TENM3: variants seen among roughly 807,000 people sequenced by gnomAD.
The protein encoded by TENM3 is teneurin transmembrane protein 3, also known as teneurin-3.
In TENM3, 63 loss-of-function variants were observed where a neutral mutation model predicts 255.1. That is an observed-to-expected ratio of 0.25 (90% CI 0.20 to 0.30). The LOEUF (loss-of-function observed/expected upper bound fraction) is 0.30. Among genes scored for constraint, TENM3 ranks in the 10% least tolerant of loss-of-function variants. The probability of loss-of-function intolerance (pLI) is 1.00; values close to 1 mark genes in which losing one functional copy is unlikely to be tolerated. For missense variants in TENM3, 2,929 were observed against 3,461.1 expected, an observed-to-expected ratio of 0.85 and a Z score of 3.86; for synonymous variants, 1,306 against 1,322.3, an observed-to-expected ratio of 0.99 and a Z score of 0.27.
chr4:182,270,756 G>A (rs1259845696), intron 1 of TENM3, among the ~76,000 whole-genome samples: 1 of 152,190 alleles, frequency 6.6e-6, no homozygotes, highest in Non-Finnish European at 1.5e-5. Context: ...AACCTGATAG[G>A]TTAAATTCAT....
chr4:182,255,195 CAT>C (rs1368956390), intron 1 of TENM3, among the ~76,000 whole-genome samples: 1 of 152,110 alleles, frequency 6.6e-6, no homozygotes, highest in Non-Finnish European at 1.5e-5. Flanking sequence ...TCCCCTTGCA[CAT>C]GTTAGACAGA....
the TENM3 span, among the ~76,000 whole-genome samples, chr4:181,851,852 C>T: frequency 6.6e-6 from 1 of 152,080 alleles, no homozygotes; most frequent in Non-Finnish European, 1.5e-5. Flanking sequence ...TAAAATACAG[C>T]GACCACTGCG....
At chr4:181,544,558 C>T in the TENM3 span, among the ~76,000 whole-genome samples, 1 of 152,138 alleles carries the variant, frequency 6.6e-6, no homozygotes, top group African/African-American at 2.4e-5. Context: ...TGGGCTGCCC[C>T]CTGCCGCTGT....
At chr4:182,476,320 G>T (rs1448495597) in intron 3 of TENM3, among the ~76,000 whole-genome samples, 1 of 152,152 alleles carries the variant, frequency 6.6e-6, no homozygotes, top group African/African-American at 2.4e-5. Context: ...TAGATGTTGT[G>T]GCAGTGGTTA....
chr4:182,477,206 C>T (rs1345409748), intron 3 of TENM3, among the ~76,000 whole-genome samples: 1 of 152,178 alleles, frequency 6.6e-6, no homozygotes, highest in Non-Finnish European at 1.5e-5. Context: ...CCTTCAAGCA[C>T]TTTACAGTCT....
chr4:181,791,633 C>T, the TENM3 span, among the ~76,000 whole-genome samples: 3 of 152,114 alleles, frequency 2.0e-5, no homozygotes, highest in South Asian at 2.1e-4. Context: ...AAATGAGAGA[C>T]GAAACAGCAT....
At chr4:182,510,807 C>T (rs1737318464) in intron 3 of TENM3, among the ~76,000 whole-genome samples, 1 of 152,190 alleles carries the variant, frequency 6.6e-6, no homozygotes, top group Middle Eastern at 3.4e-3. Flanking sequence ...TCTTGTAAGC[C>T]ACATCAAATC....
upstream of TENM3, among the ~76,000 whole-genome samples, chr4:182,241,662 AC>A (rs1043226445): frequency 1.3e-5 from 2 of 151,586 alleles, no homozygotes; most frequent in Non-Finnish European, 2.9e-5. Context: ...GGCATGTGCC[AC>A]CATGCCCAGC....
the TENM3 span, among the ~76,000 whole-genome samples, chr4:181,721,990 G>A: frequency 3.9e-5 from 6 of 152,138 alleles, no homozygotes; most frequent in Non-Finnish European, 8.8e-5. Flanking sequence ...GATCTGAGGA[G>A]CAATCTAACA....
At chr4:182,385,260 G>GTT (rs1233898994) in intron 3 of TENM3, among the ~76,000 whole-genome samples, 2 of 98,960 alleles carry the variant, frequency 2.0e-5, no homozygotes, top group Non-Finnish European at 1.8e-5. Flanking sequence ...TTTATTGTGC[G>GTT]TCTTTTTTTT....
intron 1 of TENM3, among the ~76,000 whole-genome samples, chr4:182,217,923 A>G (rs1284798238): frequency 1.2e-4 from 18 of 152,248 alleles, no homozygotes; most frequent in Non-Finnish European, 4.4e-5. Context: ...AAGCCTATCA[A>G]TGGTGATAAA....
chr4:181,983,744 A>C, the TENM3 span, among the ~76,000 whole-genome samples: 1 of 152,016 alleles, frequency 6.6e-6, no homozygotes, highest in Non-Finnish European at 1.5e-5. Context: ...ATTTTTTTTC[A>C]GACAAAATAA....
intron 6 of TENM3, among the ~76,000 whole-genome samples, chr4:182,672,214 G>A (rs1245007332): frequency 6.6e-6 from 1 of 152,174 alleles, no homozygotes; most frequent in East Asian, 1.9e-4. Context: ...TCTAGAAGGA[G>A]GCCATGCAGG....
chr4:181,681,172 G>A, the TENM3 span, among the ~76,000 whole-genome samples: 1 of 152,140 alleles, frequency 6.6e-6, no homozygotes, highest in Non-Finnish European at 1.5e-5. Context: ...GAGGGCAGAA[G>A]AGAGTAAAGG....
intron 1 of TENM3, among the ~76,000 whole-genome samples, chr4:182,214,211 T>C (rs1293708813): frequency 6.6e-6 from 1 of 152,162 alleles, no homozygotes; most frequent in African/African-American, 2.4e-5. Context: ...ATACATCACT[T>C]GTTAGAAAAA....
chr4:181,776,524 C>T, the TENM3 span, among the ~76,000 whole-genome samples: 1 of 152,192 alleles, frequency 6.6e-6, no homozygotes, highest in South Asian at 2.1e-4. Flanking sequence ...TACTCATTTA[C>T]ATTCCCACCA....
chr4:181,815,462 C>CAAAAAAAAAAAAAAA, the TENM3 span, among the ~76,000 whole-genome samples: 5 of 82,048 alleles, frequency 6.1e-5, no homozygotes, highest in African/African-American at 1.8e-4. Context: ...GACTCCCTAT[C>CAAAAAAAAAAAAAAA]AAAAAAAAAA....
intron 3 of TENM3, among the ~76,000 whole-genome samples, chr4:182,417,404 A>G (rs1770466632): frequency 6.6e-6 from 1 of 152,248 alleles, no homozygotes; most frequent in South Asian, 2.1e-4. Context: ...ATATAAACAT[A>G]TAATACCATT....
chr4:182,614,937 A>G (rs1749333324), intron 4 of TENM3, among the ~76,000 whole-genome samples: 1 of 150,502 alleles, frequency 6.6e-6, no homozygotes, highest in Non-Finnish European at 1.5e-5. Flanking sequence ...CAGGGCGTCC[A>G]CTGCAGCCAG....
Sources: allele counts gnomAD v4.1 joint callset (sites outside exome capture counted in the v4.1 genomes callset), GRCh38; gene constraint gnomAD v4.1.1; transcripts MANE v1.5; gene names NCBI Gene and HGNC (gene_info 2026-07-23, HGNC 2026-07-21).